GUCY2C: variants seen among roughly 807,000 people sequenced by gnomAD.
GUCY2C encodes guanylyl cyclase C.
Under a neutral mutation model 131.1 loss-of-function variants are expected in GUCY2C, and 118 were observed. The observed-to-expected ratio is 0.90, with a 90% CI of 0.78 to 1.05. The LOEUF is 1.05. GUCY2C is among the 50% of genes least tolerant of loss of function. GUCY2C has a pLI of 0.00. For missense variants in GUCY2C, 1,161 were observed against 1,304.4 expected, an observed-to-expected ratio of 0.89 and a Z score of 1.69; for synonymous variants, 452 against 457.8, an observed-to-expected ratio of 0.99 and a Z score of 0.16.
chr12:14,636,592 C>T (rs1162957619), intron 19 of GUCY2C, among the ~76,000 whole-genome samples: 1 of 152,084 alleles, frequency 6.6e-6, no homozygotes, highest in Non-Finnish European at 1.5e-5. Flanking sequence ...GACAAGGATG[C>T]CCAATTTCAC....
At chr12:14,648,759 T>C (rs914985995) in intron 15 of GUCY2C, among the ~76,000 whole-genome samples, 1 of 152,198 alleles carries the variant, frequency 6.6e-6, no homozygotes, top group Admixed American at 6.5e-5. Context: ...TAACTGTATA[T>C]CTTATTTCTG....
chr12:14,682,862 T>A (rs1371360721), intron 4 of GUCY2C, among the ~76,000 whole-genome samples, 180 bp downstream of exon 4: 2 of 152,226 alleles, frequency 1.3e-5, no homozygotes, highest in African/African-American at 2.4e-5. Flanking sequence ...CTGATTATTT[T>A]TACAACTCTA....
chr12:14,651,479 C>G lies in GUCY2C; in HGVS notation c.1638G>C (p.Lys546Asn), dbSNP rs1164720531. 6.2e-7 allele frequency: 1 copy of G among 1,608,412 alleles called. No individual in the cohort carries two copies. The highest frequency in any genetic ancestry group is 1.3e-5 in the African/African-American group (1 of 74,802). ...TATCAAGTTTCACTGTGCCGTAGAA[C>G]TTGGTCAGGTTGTAATAGTCAATCT... ...LLQIDYYNLT[K>N]FYGTVKLDTM... is the part of the protein sequence containing the mutation. The change falls in exon 15 of 27, where the codon AAG (lysine) becomes AAC (asparagine). Residue 546 changes from lysine (K) to asparagine (N), a missense_variant. Lys to Asn is a moderately conservative substitution (Grantham distance 94). Transcript: ENST00000261170.
intron 20 of GUCY2C, 138 bp from the exon 21 acceptor site, chr12:14,626,053 A>T (rs1947007066): frequency 3.3e-6 from 2 of 609,390 alleles, no homozygotes; most frequent in East Asian, 5.8e-5. Flanking sequence ...AAAAAACTCA[A>T]CCTCATCCGG....
intron 23 of GUCY2C, 174 bp from the exon 24 acceptor site, chr12:14,619,483 A>G (rs1946847911): frequency 1.8e-6 from 1 of 554,730 alleles, no homozygotes; most frequent in East Asian, 2.9e-5. Context: ...AATCCAATGA[A>G]GCATCATTAT....
At chr12:14,659,196 A>C (rs1947817090) in intron 11 of GUCY2C, among the ~76,000 whole-genome samples, 1 of 152,064 alleles carries the variant, frequency 6.6e-6, no homozygotes, top group Non-Finnish European at 1.5e-5. Context: ...GGCACCTGCC[A>C]CCATGCCCAG....
chr12:14,636,610 A>T (rs1252841537), intron 19 of GUCY2C, among the ~76,000 whole-genome samples: 1 of 152,180 alleles, frequency 6.6e-6, no homozygotes, highest in Non-Finnish European at 1.5e-5. Flanking sequence ...CACCTCTCCT[A>T]TTCAACATAG....
intron 1 of GUCY2C, among the ~76,000 whole-genome samples, chr12:14,695,210 G>A (rs934773342): frequency 4.6e-5 from 7 of 152,074 alleles, no homozygotes; most frequent in Non-Finnish European, 1.0e-4. Flanking sequence ...AAGCTAAGAA[G>A]CACATGAAAA....
At chr12:14,661,222 A>G (rs1312753709) in intron 10 of GUCY2C, among the ~76,000 whole-genome samples, 160 bp from the exon 11 acceptor site, 2 of 152,000 alleles carry the variant, frequency 1.3e-5, no homozygotes, top group Non-Finnish European at 2.9e-5. Context: ...CTGTGTCCCT[A>G]CTCTCTGACA....
Position 14,686,350 on chromosome 12 carries a change from CA to C in GUCY2C, c.331-126del, listed in dbSNP as rs1435962147. 4.4e-6 allele frequency: 3 copies of C among 686,430 alleles called. No individual in the cohort carries two copies. The African/African-American group carries it at 5.3e-5, about 12-fold the overall frequency. 42.5% of individuals were successfully genotyped at this position (686,430 alleles called of 1,614,324 possible). A position where few individuals can be genotyped will look rare whatever the true frequency, so the allele number is the denominator to read the frequency against. On this transcript the variant is annotated intron_variant, in intron 2 of 26. Transcript: ENST00000261170. ...TTGGGCCTCCCAAAATGCTCAAACT[CA>C]GAGCAACATAGGGTGCCTTGGTCTG...
intron 10 of GUCY2C, among the ~76,000 whole-genome samples, chr12:14,661,778 A>C (rs566568777): frequency 6.6e-6 from 1 of 152,280 alleles, no homozygotes; most frequent in South Asian, 2.1e-4. Flanking sequence ...GAAGAAAAGT[A>C]AGTCAGTATA....
chr12:14,623,783 C>T (rs1592080034), intron 21 of GUCY2C, among the ~76,000 whole-genome samples: 1 of 152,088 alleles, frequency 6.6e-6, no homozygotes, highest in Non-Finnish European at 1.5e-5. Context: ...TGTGGCACCT[C>T]CCCCTTTGCT....
intron 6 of GUCY2C, among the ~76,000 whole-genome samples, chr12:14,679,032 C>T (rs1341454729): frequency 6.6e-6 from 1 of 152,136 alleles, no homozygotes; most frequent in Non-Finnish European, 1.5e-5. Flanking sequence ...ATATCAGACT[C>T]ATACAAGTGA....
rs1013680294 is a variant in GUCY2C, at chr12:14,639,879, C to T, written c.2140G>A (p.Glu714Lys). Residue 714 changes from glutamate to lysine, a missense_variant, in exon 19 of 27, where the codon GAG (glutamate) becomes AAG (lysine). By Grantham distance (56) the Glu-to-Lys change is moderately conservative (BLOSUM62 1). Coordinates refer to ENST00000261170, the MANE Select transcript of GUCY2C (RefSeq NM_004963.4). Reference sequence around the variant, plus strand: ...ATACTCACTTCTAGCTCTTTTTCCTCTGCTGTTTCCAAGAATAAATCTGGG... The same window carrying T: ...ATACTCACTTCTAGCTCTTTTTCCTTTGCTGTTTCCAAGAATAAATCTGGG... ...FRPDLFLETA[E>K]EKELEVYLLV... 2 of 1,601,700 alleles carry T rather than the reference C, an allele frequency of 1.2e-6. No individual in the cohort carries two copies. Among genetic ancestry groups the T allele is most frequent in the Non-Finnish European group, 8.6e-7 (1 of 1,168,712 alleles).
intron 5 of GUCY2C, among the ~76,000 whole-genome samples, chr12:14,680,570 A>G (rs1948328913): frequency 6.6e-6 from 1 of 152,204 alleles, no homozygotes; most frequent in Non-Finnish European, 1.5e-5. Context: ...CCTTGTAGAA[A>G]ATTCTCACAA....
chr12:14,667,834 C>G (rs116441424), intron 10 of GUCY2C, among the ~76,000 whole-genome samples: 2,094 of 152,124 alleles, frequency 0.014, 50 homozygotes, highest in African/African-American at 0.046. Context: ...TCTTTCCAGT[C>G]TTATTTCTAT....
At chr12:14,653,932 A>G (rs1178731872) in intron 12 of GUCY2C, among the ~76,000 whole-genome samples, 1 of 152,208 alleles carries the variant, frequency 6.6e-6, no homozygotes, top group African/African-American at 2.4e-5. Context: ...GAATGGCAGA[A>G]CCTAGGCTTG....
Position 14,613,305 on chromosome 12 carries a change from G to A in GUCY2C, c.3048-14C>T. On this transcript the variant is annotated splice_polypyrimidine_tract_variant and intron_variant, in intron 26 of 26. Coordinates refer to ENST00000261170, the MANE Select transcript of GUCY2C (RefSeq NM_004963.4). This position sits in a 1 kb window ranked among gnomAD's most constrained non-coding sequence, Gnocchi z 4.9. ...TGTTGATTCTCCCTGGAAACAGAGT[G>A]GGAAGAGAAAATAGAACTTCTCAGC... 6.2e-7 allele frequency: 1 copy of A among 1,603,276 alleles called. No homozygotes were observed. The highest frequency in any genetic ancestry group is 8.5e-7 in the Non-Finnish European group (1 of 1,170,710).
chr12:14,663,459 T>G (rs1388051166), intron 10 of GUCY2C, among the ~76,000 whole-genome samples: 1 of 152,166 alleles, frequency 6.6e-6, no homozygotes, highest in Non-Finnish European at 1.5e-5. Flanking sequence ...TTTTTTGTAT[T>G]TTTAGTAGAG....
Sources: allele counts gnomAD v4.1 joint callset (sites outside exome capture counted in the v4.1 genomes callset), GRCh38; gene constraint gnomAD v4.1.1; non-coding constraint Gnocchi (gnomAD v3.1); transcripts MANE v1.5; gene names NCBI Gene and HGNC (gene_info 2026-07-23, HGNC 2026-07-21).